SQSTM1: variants seen among roughly 807,000 people sequenced by gnomAD.
SQSTM1 encodes the protein sequestosome-1.
In SQSTM1, 36 loss-of-function variants were observed where a neutral mutation model predicts 45.1. That is an observed-to-expected ratio of 0.80 (90% CI 0.61 to 1.05). The LOEUF (loss-of-function observed/expected upper bound fraction) is 1.05, where lower values mean the gene tolerates loss of function less well. Among genes scored for constraint, SQSTM1 ranks in the 50% least tolerant of loss-of-function variants. The probability of loss-of-function intolerance (pLI) is 0.00; values close to 1 mark genes in which losing one functional copy is unlikely to be tolerated. For missense variants in SQSTM1, 617 were observed against 607.1 expected, an observed-to-expected ratio of 1.02 and a Z score of -0.17; for synonymous variants, 290 against 244.3, an observed-to-expected ratio of 1.19 and a Z score of -1.74.
rs781673343 is a variant in SQSTM1, at chr5:179,824,164, T to C, written c.532-18T>C. On this transcript the variant is annotated intron_variant, in intron 3 of 7. Coordinates refer to ENST00000389805, the MANE Select transcript of SQSTM1 (RefSeq NM_003900.5). ...TTGACCCGCTCACTGCCTGCCGCTC[T>C]GCTAATTCCTCCCCCAGGGCTTCTC... 2 of 1,613,722 alleles carry C rather than the reference T, an allele frequency of 1.2e-6. No homozygotes were observed. Among genetic ancestry groups the C allele is most frequent in the Admixed American group, 1.7e-5 (1 of 60,034 alleles).
intron 1 of SQSTM1, chr5:179,821,430 C>T: frequency 1.6e-6 from 1 of 616,588 alleles, no homozygotes; most frequent in Non-Finnish European, 3.0e-6. Flanking sequence ...AGACGCCCCG[C>T]TCCACCCCCC....
Position 179,821,153 on chromosome 5 carries a change from G to C in SQSTM1, c.205+12G>C, listed in dbSNP as rs869101530. 5 of 1,330,734 alleles carry C rather than the reference G, an allele frequency of 3.8e-6. No homozygotes were observed. Among genetic ancestry groups the C allele is most frequent in the South Asian group, 1.9e-5 (1 of 51,356 alleles). 82.4% of individuals were successfully genotyped at this position (1,330,734 alleles called of 1,614,324 possible). A position where few individuals can be genotyped will look rare whatever the true frequency, so the allele number is the denominator to read the frequency against. ...GGCGCACTACCGCGGTGAGCGGGCCGGGGAGCGGCGGGGGCGGTGACGCAG... is the reference window on the plus strand; with the variant it reads ...GGCGCACTACCGCGGTGAGCGGGCCCGGGAGCGGCGGGGGCGGTGACGCAG... On this transcript the variant is annotated intron_variant, in intron 1 of 7. Coordinates refer to ENST00000389805, the MANE Select transcript of SQSTM1 (RefSeq NM_003900.5).
At position 179,833,791 on chromosome 5, in the gene SQSTM1, A is replaced by G. The variant is rs138885571; in HGVS notation, c.1165+9A>G. ...CCCACATCTCCCGCCAGGCAAGTGA[A>G]CCAAGAGGTTTTGTACATATTCCTA... On this transcript the variant is annotated intron_variant, in intron 7 of 7. Coordinates refer to ENST00000389805, the MANE Select transcript of SQSTM1 (RefSeq NM_003900.5). 4.4e-5 allele frequency: 71 copies of G among 1,613,936 alleles called. No homozygotes were observed. The East Asian group carries it at 1.3e-3, about 29-fold the overall frequency.
intron 7 of SQSTM1, among the ~76,000 whole-genome samples, chr5:179,834,154 A>AG (rs1455402562): frequency 0.027 from 1,522 of 55,392 alleles, 43 homozygotes; most frequent in African/African-American, 0.13. Context: ...TGCTGGTCTG[A>AG]GAGGGGGGGG....
chr5:179,820,874 C>G (rs1757745642), upstream of SQSTM1: 13 of 1,397,482 alleles, frequency 9.3e-6, no homozygotes, highest in Non-Finnish European at 1.2e-5. Flanking sequence ...TCCGCGTTCG[C>G]TACAAAAGCC....
intron 5 of SQSTM1, 85 bp from the exon 6 acceptor site, chr5:179,832,947 C>G: frequency 7.4e-7 from 1 of 1,353,906 alleles, no homozygotes; most frequent in Admixed American, 1.7e-5. Flanking sequence ...CTTCGTGAGT[C>G]TGTAGTCTCC....
upstream of SQSTM1, chr5:179,820,843 C>T: frequency 8.0e-7 from 1 of 1,256,698 alleles, no homozygotes; most frequent in Non-Finnish European, 1.0e-6. Flanking sequence ...GACTCCGCCC[C>T]TCTCGAGGCG....
intron 1 of SQSTM1, 81 bp from the exon 2 acceptor site, chr5:179,822,877 T>C (rs1418239620): frequency 3.3e-6 from 4 of 1,211,428 alleles, no homozygotes; most frequent in Non-Finnish European, 3.7e-6. Flanking sequence ...GTCCCTTTCA[T>C]ACTTGCCTCA....
At chr5:179,818,319 A>ATCCCCTGTG (rs934499944), upstream of SQSTM1, among the ~76,000 whole-genome samples, 1 of 152,172 alleles carries the variant, frequency 6.6e-6, no homozygotes, top group African/African-American at 2.4e-5. Flanking sequence ...AGAGGAACTC[A>ATCCCCTGTG]TCCCCTGTGT....
Position 179,806,602 on chromosome 5 carries a change from G to A in SQSTM1, c.-157+11G>A. Reference sequence around the variant, plus strand: ...GCCTCATCTCCTCGGGTGCGCGGCGGGCGCCCGCGGGGCCGAGGCTGCATG... The same window carrying A: ...GCCTCATCTCCTCGGGTGCGCGGCGAGCGCCCGCGGGGCCGAGGCTGCATG... On this transcript the variant is annotated intron_variant, in intron 1 of 5. Coordinates refer to the SQSTM1 transcript ENST00000514093. This position sits in a 1 kb window ranked among gnomAD's most constrained non-coding sequence, Gnocchi z 4.6. The A allele has an allele frequency of 8.2e-7, 1 of 1,219,616 alleles. No individual in the cohort carries two copies. The allele number at this position is 1,219,616 out of a possible 1,614,324, so 75.5% of individuals were successfully genotyped here.
At chr5:179,830,304 A>T (rs768293564) in intron 5 of SQSTM1, among the ~76,000 whole-genome samples, 1 of 152,246 alleles carries the variant, frequency 6.6e-6, no homozygotes, top group Non-Finnish European at 1.5e-5. Context: ...TATTGTAAAT[A>T]CTTGGGAATA....
Position 179,824,008 on chromosome 5 carries a change from G to A in SQSTM1, c.452G>A (p.Cys151Tyr). Residue 151 changes from cysteine to tyrosine, a missense_variant, in exon 3 of 8, where the codon TGT (cysteine) becomes TAT (tyrosine). By Grantham distance (194) the Cys-to-Tyr change is radical. Coordinates refer to ENST00000389805, the MANE Select transcript of SQSTM1 (RefSeq NM_003900.5). ...KCSVCPDYDLCSVCEGKGLHR... is the reference protein window; with the variant it reads ...KCSVCPDYDLYSVCEGKGLHR... ...AGCGTCTGCCCAGACTACGACTTGT[G>A]TAGCGTCTGCGAGGGAAAGGGCTTG... 1.9e-6 allele frequency: 3 copies of A among 1,614,054 alleles called. No individual in the cohort carries two copies. Among genetic ancestry groups the A allele is most frequent in the Non-Finnish European group, 2.5e-6 (3 of 1,180,050 alleles).
chr5:179,837,230 T>C lies in SQSTM1; in HGVS notation c.*637T>C. 6.3e-7 allele frequency: 1 copy of C among 1,595,052 alleles called. No homozygotes were observed. The highest frequency in any genetic ancestry group is 8.5e-7 in the Non-Finnish European group (1 of 1,176,200). ...CTGTTAAATTTGTAAACAATCTAAT[T>C]AAATGGCATCAGCACTTTAACCAAT... On this transcript the variant is annotated 3_prime_UTR_variant, in exon 8 of 8. Transcript: ENST00000389805.
intron 1 of SQSTM1, among the ~76,000 whole-genome samples, chr5:179,811,091 G>A (rs1757380848): frequency 6.6e-6 from 1 of 151,996 alleles, no homozygotes; most frequent in African/African-American, 2.4e-5. Flanking sequence ...AAATTAGCCG[G>A]GAGTGGTGGC....
chr5:179,832,011 CTGATCTCG>C (rs1582019128), intron 5 of SQSTM1, among the ~76,000 whole-genome samples: 1 of 152,116 alleles, frequency 6.6e-6, no homozygotes, highest in African/African-American at 2.4e-5. Context: ...TCTCGATCTC[CTGATCTCG>C]TGATCCGCCC....
upstream of SQSTM1, among the ~76,000 whole-genome samples, chr5:179,817,301 T>C (rs1757613073): frequency 6.6e-6 from 1 of 152,166 alleles, no homozygotes; most frequent in African/African-American, 2.4e-5. Context: ...CTGCTCCGCG[T>C]CGTGCCTTTA....
intron 2 of SQSTM1, chr5:179,811,970 G>C (rs189736763): frequency 1.3e-5 from 2 of 152,100 alleles, no homozygotes; most frequent in Admixed American, 6.5e-5. Context: ...ACGCCCGGCT[G>C]ATTTTTTGTA....
At chr5:179,812,923 A>C (rs940072703) in intron 2 of SQSTM1, 2 of 150,312 alleles carry the variant, frequency 1.3e-5, no homozygotes, top group African/African-American at 2.5e-5. Flanking sequence ...CCGTGTTTTT[A>C]TATTTTGACT....
chr5:179,827,007 C>T (rs1026164168), intron 5 of SQSTM1, among the ~76,000 whole-genome samples: 17 of 152,266 alleles, frequency 1.1e-4, no homozygotes, highest in South Asian at 2.1e-4. Context: ...GAGAGATTGC[C>T]GGTGAATTTG....
Sources: allele counts gnomAD v4.1 joint callset (sites outside exome capture counted in the v4.1 genomes callset), GRCh38; gene constraint gnomAD v4.1.1; non-coding constraint Gnocchi (gnomAD v3.1); transcripts MANE v1.5; gene names NCBI Gene and HGNC (gene_info 2026-07-23, HGNC 2026-07-21).